The following CLTRN variants were observed in gnomAD, a reference collection of about 807,000 sequenced individuals.
CLTRN encodes collectrin, amino acid transport regulator.
In CLTRN, 12 loss-of-function variants were observed where a neutral mutation model predicts 14.5. That is an observed-to-expected ratio of 0.83 (90% CI 0.53 to 1.34). The LOEUF is 1.34. Ranked by LOEUF, CLTRN falls within the 40% of genes most tolerant of loss-of-function variation. The pLI is 0.00. For synonymous variants in CLTRN, 58 were observed against 56.5 expected, an observed-to-expected ratio of 1.03 and a Z score of -0.12; for missense variants, 154 against 165.1, an observed-to-expected ratio of 0.93 and a Z score of 0.37.
At chrX:15,660,019 T>C (rs1214062381) in intron 2 of CLTRN, among the ~76,000 whole-genome samples, 6 of 111,020 alleles carry the variant, frequency 5.4e-5, no homozygotes, top group African/African-American at 2.0e-4. Context: ...CCAAGGAGGG[T>C]AGCAACTAAA....
intron 5 of CLTRN, among the ~76,000 whole-genome samples, chrX:15,629,829 C>T (rs1193433963): frequency 9.0e-6 from 1 of 111,594 alleles, no homozygotes; most frequent in Non-Finnish European, 1.9e-5. Flanking sequence ...AAATTTCCAA[C>T]AATGAAAGAA....
At chrX:15,642,594 A>G (rs1042462437) in intron 4 of CLTRN, among the ~76,000 whole-genome samples, 8 of 111,966 alleles carry the variant, frequency 7.1e-5, no homozygotes, top group Non-Finnish European at 1.5e-4. Flanking sequence ...CTTTGTGTAA[A>G]GGAATGACCA....
chrX:15,648,363 T>C (rs1315678374), intron 3 of CLTRN, among the ~76,000 whole-genome samples: 1 of 111,719 alleles, frequency 9.0e-6, no homozygotes, highest in Non-Finnish European at 1.9e-5. Flanking sequence ...CCAGGTTGTT[T>C]AGCAGCAAAT....
At chrX:15,665,135 C>T (rs1929594738), upstream of CLTRN, 2 of 144,188 alleles carry the variant, frequency 1.4e-5, no homozygotes, top group African/African-American at 6.3e-5. Context: ...TAGAGGTTTC[C>T]TTGACATGCA....
intron 5 of CLTRN, among the ~76,000 whole-genome samples, chrX:15,635,717 T>C (rs1373046530): frequency 8.9e-6 from 1 of 111,817 alleles, no homozygotes; most frequent in Non-Finnish European, 1.9e-5. Context: ...ATGACATTGG[T>C]CTGGGCAATG....
Position 15,639,675 on chromosome X carries a change from T to C in CLTRN, c.399A>G (p.Ala133=). The C allele has an allele frequency of 8.3e-7, 1 of 1,210,202 alleles. No individual in the cohort carries two copies. The highest frequency in any genetic ancestry group is 3.0e-5 in the East Asian group (1 of 33,850). ...LEFLKIPSTL[A]PPMDPSVPIW... is the part of the protein sequence containing the mutation. ...TGGGCACAGATGGGTCCATGGGTGG[T>C]GCAAGTGTGGAAGGGATTTTTAAAA... The change falls in exon 5 of 6, where the codon GCA becomes GCG. Residue 133 remains alanine (A), a synonymous_variant. Coordinates refer to ENST00000380342, the MANE Select transcript of CLTRN (RefSeq NM_020665.6).
chrX:15,658,395 G>C (rs951883548), intron 3 of CLTRN, among the ~76,000 whole-genome samples: 4 of 112,114 alleles, frequency 3.6e-5, no homozygotes, highest in Non-Finnish European at 7.5e-5. Flanking sequence ...AAGGAGAAAG[G>C]AACCCATGCC....
intron 1 of CLTRN, among the ~76,000 whole-genome samples, chrX:15,672,694 T>G (rs1230582268): frequency 8.9e-6 from 1 of 111,835 alleles, no homozygotes; most frequent in Non-Finnish European, 1.9e-5. Flanking sequence ...TTTTGTGGAC[T>G]GCCTAAAAGA....
upstream of CLTRN, chrX:15,664,861 G>T: frequency 2.5e-6 from 2 of 810,129 alleles, no homozygotes; most frequent in Admixed American, 2.6e-5. Context: ...CTGTGACCCG[G>T]ATTAGAATAT....
upstream of CLTRN, among the ~76,000 whole-genome samples, chrX:15,668,291 C>A (rs1317393646): frequency 8.9e-6 from 1 of 111,866 alleles, no homozygotes; most frequent in Non-Finnish European, 1.9e-5. Context: ...GCACCCTTGT[C>A]TTCTTCTTTA....
At chrX:15,632,254 G>A (rs1340628099) in intron 5 of CLTRN, among the ~76,000 whole-genome samples, 1 of 112,165 alleles carries the variant, frequency 8.9e-6, no homozygotes, top group East Asian at 2.8e-4. Flanking sequence ...GCCAAAAGCA[G>A]GAAGAGCATT....
chrX:15,668,222 G>GT (rs773673722), upstream of CLTRN, among the ~76,000 whole-genome samples: 677 of 111,792 alleles, frequency 6.1e-3, 6 homozygotes, highest in African/African-American at 0.021. Flanking sequence ...GTAGGATGTT[G>GT]TTTTTTCTCA....
chrX:15,668,023 A>C (rs1171467971), upstream of CLTRN, among the ~76,000 whole-genome samples: 2 of 112,509 alleles, frequency 1.8e-5, no homozygotes, highest in Admixed American at 1.9e-4. Flanking sequence ...TTTCATTATG[A>C]TTTCTCAATA....
chrX:15,666,997 G>C (rs989570420), upstream of CLTRN, among the ~76,000 whole-genome samples: 2 of 111,664 alleles, frequency 1.8e-5, no homozygotes, highest in Non-Finnish European at 3.8e-5. Context: ...CAGCACTTTC[G>C]GAGGCCGAGG....
chrX:15,671,484 G>A (rs991177228), intron 1 of CLTRN, among the ~76,000 whole-genome samples: 1 of 111,063 alleles, frequency 9.0e-6, no homozygotes, highest in African/African-American at 3.3e-5. Flanking sequence ...CAGTGTAGAT[G>A]CATCTGAAAA....
intron 2 of CLTRN, among the ~76,000 whole-genome samples, chrX:15,662,249 T>C (rs1929525664): frequency 9.1e-6 from 1 of 110,188 alleles, no homozygotes. Context: ...TGCTTCATAA[T>C]TTATAGATAC....
intron 3 of CLTRN, among the ~76,000 whole-genome samples, chrX:15,655,245 A>T (rs1929321577): frequency 8.9e-6 from 1 of 111,999 alleles, no homozygotes; most frequent in Non-Finnish European, 1.9e-5. Context: ...GGGGCGTGAG[A>T]TAGATAAGGA....
intron 4 of CLTRN, among the ~76,000 whole-genome samples, chrX:15,644,287 T>C (rs1385448746): frequency 8.9e-6 from 1 of 111,834 alleles, no homozygotes; most frequent in Non-Finnish European, 1.9e-5. Context: ...ACTAACATAA[T>C]GTAAATGATT....
chrX:15,664,797 A>G lies in CLTRN; in HGVS notation c.-22T>C, dbSNP rs1360533825. On this transcript the variant is annotated 5_prime_UTR_variant, in exon 1 of 6. Coordinates refer to ENST00000380342, the MANE Select transcript of CLTRN (RefSeq NM_020665.6). ...ACATTCTTTCAGGGTGGAAAACACA[A>G]GGCAAAGTGAGAAAAAAAAAATCCA... The G allele has an allele frequency of 2.5e-6, 3 of 1,182,400 alleles. No homozygotes were observed. Among genetic ancestry groups the G allele is most frequent in the Non-Finnish European group, 2.3e-6 (2 of 873,835 alleles).
Sources: gnomAD v4.1 joint callset for allele counts (sites outside exome capture counted in the v4.1 genomes callset) on GRCh38, gnomAD v4.1.1 for gene constraint, MANE v1.5 for transcripts, NCBI Gene and HGNC (gene_info 2026-07-23, HGNC 2026-07-21) for gene names.